The following FGGY variants were observed in gnomAD, a reference collection of about 807,000 sequenced individuals.
FGGY encodes the protein FGGY carbohydrate kinase domain-containing protein.
Under a neutral mutation model 71.3 loss-of-function variants are expected in FGGY, and 72 were observed. The ratio of observed to expected loss-of-function variants is 1.01; its 90% CI spans 0.84 to 1.23. The LOEUF (loss-of-function observed/expected upper bound fraction) is 1.23. Among genes scored for constraint, FGGY ranks in the 50% most tolerant of loss-of-function variants. The probability of loss-of-function intolerance (pLI) is 0.00; values close to 1 mark genes in which losing one functional copy is unlikely to be tolerated. For synonymous variants in FGGY, 251 were observed against 250.3 expected, an observed-to-expected ratio of 1.00 and a Z score of -0.02; for missense variants, 668 against 682.3, an observed-to-expected ratio of 0.98 and a Z score of 0.23.
At chr1:59,393,707 C>G (rs191963826) in intron 5 of FGGY, among the ~76,000 whole-genome samples, 67 of 152,188 alleles carry the variant, frequency 4.4e-4, no homozygotes, top group Admixed American at 1.5e-3. Flanking sequence ...AAAATGATCT[C>G]AGGGATTGAA....
intron 6 of FGGY, among the ~76,000 whole-genome samples, chr1:59,463,514 T>A (rs2092401379): frequency 6.6e-6 from 1 of 152,030 alleles, no homozygotes; most frequent in African/African-American, 2.4e-5. Flanking sequence ...CATAACAATA[T>A]TAACCTTAAA....
At chr1:59,373,633 A>G (rs972683480) in intron 4 of FGGY, among the ~76,000 whole-genome samples, 6 of 152,210 alleles carry the variant, frequency 3.9e-5, no homozygotes, top group Admixed American at 2.0e-4. Flanking sequence ...AGCTGGAGGC[A>G]TCACGCTACC....
intron 14 of FGGY, among the ~76,000 whole-genome samples, chr1:59,734,718 G>T (rs527838541): frequency 3.3e-5 from 5 of 152,294 alleles, no homozygotes; most frequent in East Asian, 1.9e-4. Flanking sequence ...AGCAGCCCCT[G>T]GGGGAGGGGA....
chr1:59,568,232 C>T (rs1261673085), intron 8 of FGGY, among the ~76,000 whole-genome samples: 1 of 152,058 alleles, frequency 6.6e-6, no homozygotes, highest in Non-Finnish European at 1.5e-5. Flanking sequence ...TGTGAAAAGA[C>T]TTTTGGTATT....
intron 8 of FGGY, among the ~76,000 whole-genome samples, chr1:59,598,838 G>A (rs1384236475): frequency 6.6e-6 from 1 of 152,190 alleles, no homozygotes; most frequent in Non-Finnish European, 1.5e-5. Flanking sequence ...AATGATAATG[G>A]TAGCCATGTC....
chr1:59,489,846 T>G (rs2093770939), intron 6 of FGGY, among the ~76,000 whole-genome samples: 1 of 152,092 alleles, frequency 6.6e-6, no homozygotes, highest in African/African-American at 2.4e-5. Flanking sequence ...AGTGTAAGAG[T>G]CCTTTTTCTC....
chr1:59,384,542 G>A (rs1390777687), intron 5 of FGGY, among the ~76,000 whole-genome samples: 1 of 152,124 alleles, frequency 6.6e-6, no homozygotes, highest in South Asian at 2.1e-4. Context: ...TGCTGAGAAA[G>A]CTTTTTAAAG....
At chr1:59,640,389 T>C (rs2097010547) in intron 11 of FGGY, among the ~76,000 whole-genome samples, 1 of 152,242 alleles carries the variant, frequency 6.6e-6, no homozygotes, top group Admixed American at 6.5e-5. Context: ...ACTACGATGA[T>C]GCCTATCTCC....
In FGGY at chr1:59,533,652, G is replaced by A. The variant is rs533283439; in HGVS notation, c.800-20472G>A. Among the ~76,000 whole-genome samples the A allele has an allele frequency of 2.2e-4, 34 of 152,334 alleles. No individual in the cohort carries two copies. The East Asian group carries it at 2.7e-3, about 12-fold the overall frequency. The stretch of plus-strand genomic sequence containing the variant: ...TCCCAGCACGCAGCTGGAGACCTGA[G>A]AACGGGCAGACTGCCTCCTTAAGTG... On this transcript the variant is annotated intron_variant, in intron 7 of 15. Transcript: ENST00000303721.
At chr1:59,589,153 A>G (rs1381851740) in intron 8 of FGGY, among the ~76,000 whole-genome samples, 2 of 152,208 alleles carry the variant, frequency 1.3e-5, no homozygotes, top group African/African-American at 4.8e-5. Context: ...GTCTCTGATA[A>G]AACAGACTTT....
chr1:59,347,025 C>T (rs1252449273), intron 4 of FGGY, among the ~76,000 whole-genome samples: 8 of 146,832 alleles, frequency 5.4e-5, no homozygotes, highest in Admixed American at 1.4e-4. Flanking sequence ...AATCAGTTAG[C>T]AAAGAAGCAA....
chr1:59,347,729 G>A (rs1220305865), intron 4 of FGGY, among the ~76,000 whole-genome samples: 1 of 152,130 alleles, frequency 6.6e-6, no homozygotes, highest in East Asian at 1.9e-4. Context: ...TTAATAAATG[G>A]TGCTGGGAAA....
chr1:59,449,747 G>A (rs2072235573), intron 5 of FGGY, among the ~76,000 whole-genome samples: 1 of 152,084 alleles, frequency 6.6e-6, no homozygotes, highest in Non-Finnish European at 1.5e-5. Context: ...ATGATTGCTT[G>A]AGGCCAGCAG....
intron 7 of FGGY, among the ~76,000 whole-genome samples, chr1:59,552,414 C>G (rs1032547084): frequency 6.6e-6 from 1 of 152,192 alleles, no homozygotes; most frequent in Non-Finnish European, 1.5e-5. Flanking sequence ...GTCTTACTTC[C>G]CCCTGTTGCT....
At chr1:59,317,023 C>T (rs989686045) in intron 1 of FGGY, among the ~76,000 whole-genome samples, 45 of 152,190 alleles carry the variant, frequency 3.0e-4, no homozygotes, top group Non-Finnish European at 1.8e-4. Flanking sequence ...AAACCCCAGC[C>T]CCTGTGCTTC....
chr1:59,704,493 C>T (rs1032341629), intron 14 of FGGY, among the ~76,000 whole-genome samples: 1 of 151,946 alleles, frequency 6.6e-6, no homozygotes, highest in Non-Finnish European at 1.5e-5. Context: ...TATATATACA[C>T]ATATATATCA....
At chr1:59,508,891 T>C (rs1002523983) in intron 6 of FGGY, among the ~76,000 whole-genome samples, 1 of 152,036 alleles carries the variant, frequency 6.6e-6, no homozygotes, top group Admixed American at 6.6e-5. Flanking sequence ...TTAGGGATGG[T>C]TGGCTGTGAA....
At chr1:59,524,971 A>G (rs1485821762) in intron 7 of FGGY, among the ~76,000 whole-genome samples, 1 of 152,236 alleles carries the variant, frequency 6.6e-6, no homozygotes, top group Non-Finnish European at 1.5e-5. Flanking sequence ...GTGGCCCTTC[A>G]TGGAGCCCAG....
At chr1:59,737,697 G>T (rs2098117327) in intron 14 of FGGY, among the ~76,000 whole-genome samples, 1 of 152,206 alleles carries the variant, frequency 6.6e-6, no homozygotes, top group Admixed American at 6.5e-5. Context: ...TTTCGATTTT[G>T]CAGGCTCATA....
Sources: gnomAD v4.1 joint callset for allele counts (sites outside exome capture counted in the v4.1 genomes callset) on GRCh38, gnomAD v4.1.1 for gene constraint, MANE v1.5 for transcripts, NCBI Gene and HGNC (gene_info 2026-07-23, HGNC 2026-07-21) for gene names.